PALM2AKAP2: variants seen among roughly 807,000 people sequenced by gnomAD.
PALM2AKAP2 encodes PALM2-AKAP2 fusion protein.
A neutral mutation model predicts 71.5 loss-of-function variants in PALM2AKAP2; 37 were observed. That is an observed-to-expected ratio of 0.52 (90% CI 0.40 to 0.68). The LOEUF (loss-of-function observed/expected upper bound fraction) is 0.68. Ranked by LOEUF, PALM2AKAP2 falls within the 30% of genes least tolerant of loss-of-function variation. PALM2AKAP2 has a pLI of 0.00. For synonymous variants in PALM2AKAP2, 468 were observed against 478.8 expected (o/e 0.98, Z 0.29); for missense variants, 1,224 against 1,191.8 (o/e 1.03, Z -0.40).
intron 1 of PALM2AKAP2, among the ~76,000 whole-genome samples, chr9:109,676,354 C>G (rs1015887851): frequency 6.6e-6 from 1 of 151,860 alleles, no homozygotes; most frequent in Non-Finnish European, 1.5e-5. Flanking sequence ...TAGTCCAGGA[C>G]GAGGAAAAGA....
intron 7 of PALM2AKAP2, among the ~76,000 whole-genome samples, chr9:110,032,759 C>CA (rs147095864): frequency 1.7e-4 from 25 of 147,008 alleles, no homozygotes; most frequent in African/African-American, 5.5e-4. Flanking sequence ...AATAAAAAAA[C>CA]AAAAAAAATA....
intron 1 of PALM2AKAP2, among the ~76,000 whole-genome samples, chr9:110,102,139 G>A (rs1835014225): frequency 6.6e-6 from 1 of 152,194 alleles, no homozygotes. Context: ...TTTTGATCTT[G>A]GTTTGATCTT....
chr9:110,137,278 C>T (rs1301285190), exon 2 of PALM2AKAP2: 1 of 1,614,228 alleles, frequency 6.2e-7, no homozygotes. Flanking sequence ...AGAGTACACC[C>T]AGGCTGTTCT....
chr9:110,055,633 T>C (rs1420743909), intron 1 of PALM2AKAP2, among the ~76,000 whole-genome samples: 4 of 152,208 alleles, frequency 2.6e-5, no homozygotes, highest in African/African-American at 9.6e-5. Flanking sequence ...ATATGAATTT[T>C]AGGGAGACAC....
At chr9:109,820,850 T>C (rs1827979087) in intron 1 of PALM2AKAP2, among the ~76,000 whole-genome samples, 1 of 152,204 alleles carries the variant, frequency 6.6e-6, no homozygotes, top group African/African-American at 2.4e-5. Flanking sequence ...TTTGTAGATC[T>C]GGTTTTCATT....
chr9:110,092,528 A>T (rs1424962760), intron 1 of PALM2AKAP2, among the ~76,000 whole-genome samples: 2 of 152,242 alleles, frequency 1.3e-5, no homozygotes, highest in Admixed American at 1.3e-4. Context: ...TGAAAGTGAA[A>T]AAAGTCAATT....
At chr9:109,768,940 T>A (rs538035458) in intron 1 of PALM2AKAP2, among the ~76,000 whole-genome samples, 2 of 152,236 alleles carry the variant, frequency 1.3e-5, no homozygotes, top group African/African-American at 2.4e-5. Flanking sequence ...GGCAACATAG[T>A]GAGACCCTAT....
At chr9:110,071,996 G>A (rs184947350) in intron 1 of PALM2AKAP2, among the ~76,000 whole-genome samples, 26 of 152,238 alleles carry the variant, frequency 1.7e-4, no homozygotes, top group Non-Finnish European at 1.5e-5. Context: ...AACAGTGAAA[G>A]GTGAGTTAGT....
intron 1 of PALM2AKAP2, chr9:109,867,057 C>A (rs926603318): frequency 2.0e-5 from 9 of 456,494 alleles, no homozygotes; most frequent in African/African-American, 1.8e-4. Context: ...CCAGAATTTC[C>A]CACTGTCTTA....
At chr9:109,844,737 C>T (rs1828802668) in intron 1 of PALM2AKAP2, among the ~76,000 whole-genome samples, 1 of 152,190 alleles carries the variant, frequency 6.6e-6, no homozygotes, top group African/African-American at 2.4e-5. Flanking sequence ...GTGCCCCTTG[C>T]TGCACACCCC....
intron 1 of PALM2AKAP2, among the ~76,000 whole-genome samples, chr9:109,734,144 T>C (rs1251415880): frequency 1.3e-5 from 2 of 152,244 alleles, no homozygotes; most frequent in African/African-American, 2.4e-5. Flanking sequence ...TTGTTTTCAT[T>C]TCATTTAAAG....
chr9:110,103,701 A>ATCCTGAATTTTTG (rs1176936577), intron 1 of PALM2AKAP2, among the ~76,000 whole-genome samples: 1 of 152,052 alleles, frequency 6.6e-6, no homozygotes, highest in Non-Finnish European at 1.5e-5. Context: ...TGGAATTTTT[A>ATCCTGAATTTTTG]TCCTGAATTT....
chr9:109,676,250 G>C lies in PALM2AKAP2; in HGVS notation c.5+35384G>C, dbSNP rs1230386112. ...CAGCTTTATCTCTATTCATTTCAAG[G>C]CATGTATTCTATGATCTTGTATTAT... On this transcript the variant is annotated intron_variant, in intron 1 of 6. Coordinates refer to the PALM2AKAP2 transcript ENST00000374531. 2.0e-5 allele frequency among the ~76,000 whole-genome samples: 3 copies of C among 152,196 alleles called. No homozygotes were observed. In the East Asian group the frequency reaches 5.8e-4, roughly 29 times the overall value.
intron 1 of PALM2AKAP2, among the ~76,000 whole-genome samples, chr9:109,860,826 AT>A (rs1829287808): frequency 6.6e-6 from 1 of 152,040 alleles, no homozygotes; most frequent in Non-Finnish European, 1.5e-5. Context: ...TCTTTCTCTG[AT>A]TCTTCATTTC....
At chr9:109,780,220 G>A, upstream of PALM2AKAP2, 1 of 1,004,412 alleles carries the variant, frequency 1.0e-6, no homozygotes. Context: ...CGGCTGGCGC[G>A]GCCGGCGGCG....
At chr9:109,718,647 C>A (rs183889170) in intron 1 of PALM2AKAP2, among the ~76,000 whole-genome samples, 1 of 151,794 alleles carries the variant, frequency 6.6e-6, no homozygotes, top group African/African-American at 2.4e-5. Flanking sequence ...GTCTCATATG[C>A]CCCTTGCCTA....
At chr9:109,854,210 G>A (rs758819557) in intron 1 of PALM2AKAP2, among the ~76,000 whole-genome samples, 4 of 152,192 alleles carry the variant, frequency 2.6e-5, no homozygotes, top group African/African-American at 7.2e-5. Flanking sequence ...TGGGGGCATC[G>A]TCTTAGACTT....
chr9:109,844,956 TGTGCATGTGCACACAC>T (rs1159085791), intron 1 of PALM2AKAP2, among the ~76,000 whole-genome samples: 135 of 149,072 alleles, frequency 9.1e-4, no homozygotes, highest in African/African-American at 3.3e-3. Context: ...TGTGTGTGTG[TGTGCATGTGCACACAC>T]GCATGCACGC....
intron 1 of PALM2AKAP2, among the ~76,000 whole-genome samples, chr9:110,066,561 G>C (rs983507921): frequency 6.6e-6 from 1 of 152,114 alleles, no homozygotes; most frequent in Non-Finnish European, 1.5e-5. Flanking sequence ...AGCTGGTCAT[G>C]GTGGTGCACA....
Sources: allele counts gnomAD v4.1 joint callset (sites outside exome capture counted in the v4.1 genomes callset), GRCh38; gene constraint gnomAD v4.1.1; transcripts MANE v1.5; gene names NCBI Gene and HGNC (gene_info 2026-07-23, HGNC 2026-07-21).